The following NLRP2B variants were observed in gnomAD, a reference collection of about 807,000 sequenced individuals.
NLRP2B encodes the protein NLR family pyrin domain containing 2B.
For synonymous variants in NLRP2B, 16 were observed against 3.5 expected (o/e 4.63, Z -4.03); for missense variants, 25 against 6.8 (o/e 3.70, Z -3.00).
In NLRP2B at chrX:57,678,128, C is replaced by T. The variant is rs5960295; in HGVS notation, c.*1995G>A. On this transcript the variant is annotated 3_prime_UTR_variant, in exon 1 of 1. Transcript: ENST00000434992. ...CACAGGATCCTTACTAATGTGGCAC[C>T]AAGAAAGCTATTATTGATTTCTAGA... is the stretch of plus-strand genomic sequence containing the variant. 14,716 of 472,510 alleles carry T rather than the reference C, an allele frequency of 0.031. 1,566 individuals carry two copies. The African/African-American group carries it at 0.32, about 10-fold the overall frequency. 38.9% of individuals were successfully genotyped at this position (472,510 alleles called of 1,213,427 possible).
At position 57,678,620 on chromosome X, in the gene NLRP2B, C is replaced by A. The variant is rs1429240701; in HGVS notation, c.*1503G>T. On this transcript the variant is annotated 3_prime_UTR_variant, in exon 1 of 1. Transcript: ENST00000434992. ...AAGAAGTGTCTTGCTTGGATCAGGT[C>A]GGGGTTCTTGAGTCTTTCTTCTCTA... 2 of 454,437 alleles carry A rather than the reference C, an allele frequency of 4.4e-6. No homozygotes were observed. Among genetic ancestry groups the A allele is most frequent in the East Asian group, 4.0e-5 (1 of 25,087 alleles). The allele number at this position is 454,437 out of a possible 1,213,427, so 37.5% of individuals were successfully genotyped here. A position where few individuals can be genotyped will look rare whatever the true frequency, so the allele number is the denominator to read the frequency against.
In NLRP2B at chrX:57,679,534, T is replaced by C. The variant is rs1369697270; in HGVS notation, c.*589A>G. The C allele has an allele frequency of 1.4e-5, 9 of 625,004 alleles. No individual in the cohort carries two copies. The Admixed American group carries it at 2.2e-4, about 15-fold the overall frequency. The allele number at this position is 625,004 out of a possible 1,213,427, so 51.5% of individuals were successfully genotyped here. A position where few individuals can be genotyped will look rare whatever the true frequency, so the allele number is the denominator to read the frequency against. ...GCAGATGAGCTCCTTGCAGGTGAGGTAGAAAGCCTATCTAAATTTCTGGCT... is the reference window on the plus strand; with the variant it reads ...GCAGATGAGCTCCTTGCAGGTGAGGCAGAAAGCCTATCTAAATTTCTGGCT... On this transcript the variant is annotated 3_prime_UTR_variant, in exon 1 of 1. Transcript: ENST00000434992.
In NLRP2B at chrX:57,677,462, C is replaced by A. The variant is rs888858454; in HGVS notation, c.*2661G>T. The A allele has an allele frequency of 2.9e-6, 1 of 344,087 alleles. No homozygotes were observed. 28.4% of individuals were successfully genotyped at this position (344,087 alleles called of 1,213,427 possible). On this transcript the variant is annotated 3_prime_UTR_variant, in exon 1 of 1. Coordinates refer to ENST00000434992, the MANE Select transcript of NLRP2B (RefSeq NM_001319967.1). ...CCAGTAACTCCTATGTGATTCAGTCCCAGATCCAAGCACATTAGGCTTGAT... is the reference window on the plus strand; with the variant it reads ...CCAGTAACTCCTATGTGATTCAGTCACAGATCCAAGCACATTAGGCTTGAT...
In NLRP2B at chrX:57,677,528, T is replaced by C; in HGVS notation, c.*2595A>G. 1 of 323,996 alleles carries C rather than the reference T, an allele frequency of 3.1e-6. No individual in the cohort carries two copies. Among genetic ancestry groups the C allele is most frequent in the Non-Finnish European group, 5.9e-6 (1 of 170,189 alleles). 26.7% of individuals were successfully genotyped at this position (323,996 alleles called of 1,213,427 possible). A position where few individuals can be genotyped will look rare whatever the true frequency, so the allele number is the denominator to read the frequency against. On this transcript the variant is annotated 3_prime_UTR_variant, in exon 1 of 1. Coordinates refer to ENST00000434992, the MANE Select transcript of NLRP2B (RefSeq NM_001319967.1). ...TCTGCGAGATAACAGCAGCCATTGC[T>C]AGTTATGTCGCAGTCCCACAGCACC... is the stretch of plus-strand genomic sequence containing the variant.
At position 57,677,222 on chromosome X, in the gene NLRP2B, G is replaced by A. The variant is rs1049948353; in HGVS notation, c.*2901C>T. 1 of 381,629 alleles carries A rather than the reference G, an allele frequency of 2.6e-6. No homozygotes were observed. Among genetic ancestry groups the A allele is most frequent in the African/African-American group, 2.6e-5 (1 of 38,641 alleles). The allele number at this position is 381,629 out of a possible 1,213,427, so 31.5% of individuals were successfully genotyped here. ...TCTATTTTCAACCTGAGTGTCTGGA[G>A]GGTGCAATTTGGATGTGTCAAGGTT... On this transcript the variant is annotated 3_prime_UTR_variant, in exon 1 of 1. Transcript: ENST00000434992.
rs1001187470 is a variant in NLRP2B at position 57,679,300 on chromosome X, A to G, written c.*823T>C. On this transcript the variant is annotated 3_prime_UTR_variant, in exon 1 of 1. Transcript: ENST00000434992. ...GGCCCTGGGTAAAATCTTCCTCTTC[A>G]GTAACCTCCCCAAGAAGACCGGCAC... The G allele has an allele frequency of 4.7e-5, 24 of 507,313 alleles. No homozygotes were observed. In the African/African-American group the frequency reaches 5.1e-4, roughly 11 times the overall value. The allele number at this position is 507,313 out of a possible 1,213,427, so 41.8% of individuals were successfully genotyped here.
In NLRP2B at chrX:57,678,594, TAAG is replaced by T. The variant is rs1204299422; in HGVS notation, c.*1526_*1528del. 2.3e-5 allele frequency: 11 copies of T among 480,874 alleles called. No homozygotes were observed. Among genetic ancestry groups the T allele is most frequent in the East Asian group, 2.2e-4 (6 of 26,827 alleles). The allele number at this position is 480,874 out of a possible 1,213,427, so 39.6% of individuals were successfully genotyped here. A position where few individuals can be genotyped will look rare whatever the true frequency, so the allele number is the denominator to read the frequency against. ...CTTTCTTCTCGTTGGCGAAGCCGAATAAGAAGTGTCTTGCTTGGATCAGGTCGG... is the reference window on the plus strand; with the variant it reads ...CTTTCTTCTCGTTGGCGAAGCCGAATAAGTGTCTTGCTTGGATCAGGTCGG... On this transcript the variant is annotated 3_prime_UTR_variant, in exon 1 of 1. Coordinates refer to ENST00000434992, the MANE Select transcript of NLRP2B (RefSeq NM_001319967.1).
At position 57,679,527 on chromosome X, in the gene NLRP2B, G is replaced by T; in HGVS notation, c.*596C>A. The T allele has an allele frequency of 1.5e-6, 1 of 661,940 alleles. No homozygotes were observed. Among genetic ancestry groups the T allele is most frequent in the Non-Finnish European group, 2.5e-6 (1 of 406,478 alleles). 54.6% of individuals were successfully genotyped at this position (661,940 alleles called of 1,213,427 possible). A position where few individuals can be genotyped will look rare whatever the true frequency, so the allele number is the denominator to read the frequency against. Reference sequence around the variant, plus strand: ...GGCCCAGGCAGATGAGCTCCTTGCAGGTGAGGTAGAAAGCCTATCTAAATT... The same window carrying T: ...GGCCCAGGCAGATGAGCTCCTTGCATGTGAGGTAGAAAGCCTATCTAAATT... On this transcript the variant is annotated 3_prime_UTR_variant, in exon 1 of 1. Coordinates refer to ENST00000434992, the MANE Select transcript of NLRP2B (RefSeq NM_001319967.1).
rs922171023 is a variant in NLRP2B at position 57,677,480 on chromosome X, G to A, written c.*2643C>T. The A allele has an allele frequency of 1.5e-5, 5 of 338,643 alleles. No homozygotes were observed. Among genetic ancestry groups the A allele is most frequent in the Non-Finnish European group, 2.8e-5 (5 of 177,751 alleles). The allele number at this position is 338,643 out of a possible 1,213,427, so 27.9% of individuals were successfully genotyped here. ...TTCAGTCCCAGATCCAAGCACATTAGGCTTGATTTTTCTTGGAGAAGCTCT... is the reference window on the plus strand; with the variant it reads ...TTCAGTCCCAGATCCAAGCACATTAAGCTTGATTTTTCTTGGAGAAGCTCT... On this transcript the variant is annotated 3_prime_UTR_variant, in exon 1 of 1. Coordinates refer to ENST00000434992, the MANE Select transcript of NLRP2B (RefSeq NM_001319967.1).
chrX:57,679,449 G>C lies in NLRP2B; in HGVS notation c.*674C>G. The C allele has an allele frequency of 1.0e-6, 1 of 996,562 alleles. No individual in the cohort carries two copies. Among genetic ancestry groups the C allele is most frequent in the Non-Finnish European group, 1.4e-6 (1 of 702,251 alleles). The allele number at this position is 996,562 out of a possible 1,213,427, so 82.1% of individuals were successfully genotyped here. On this transcript the variant is annotated 3_prime_UTR_variant, in exon 1 of 1. Transcript: ENST00000434992. ...GTGCTTGGGCTAGGATGTTTGGAAT[G>C]TCATCCTGCAATTCAGGCCAGTTCC...
In NLRP2B at chrX:57,679,210, T is replaced by G; in HGVS notation, c.*913A>C. 2.2e-6 allele frequency: 1 copy of G among 450,586 alleles called. No individual in the cohort carries two copies. Among genetic ancestry groups the G allele is most frequent in the Admixed American group, 2.8e-5 (1 of 35,718 alleles). 37.1% of individuals were successfully genotyped at this position (450,586 alleles called of 1,213,427 possible). A position where few individuals can be genotyped will look rare whatever the true frequency, so the allele number is the denominator to read the frequency against. On this transcript the variant is annotated 3_prime_UTR_variant, in exon 1 of 1. Transcript: ENST00000434992. The stretch of plus-strand genomic sequence containing the variant: ...AGGAACTCCTCCACCCTTACATAGA[T>G]CGGCCGCTCCACCAACAGCCGGAGG...
In NLRP2B at chrX:57,679,269, C is replaced by A; in HGVS notation, c.*854G>T. The A allele has an allele frequency of 2.1e-6, 1 of 465,494 alleles. No homozygotes were observed. Among genetic ancestry groups the A allele is most frequent in the Non-Finnish European group, 3.9e-6 (1 of 256,922 alleles). 38.4% of individuals were successfully genotyped at this position (465,494 alleles called of 1,213,427 possible). Reference sequence around the variant, plus strand: ...GGCCCGCAGGCCACGTGGTGACCAGCACGGCGGCCCTGGGTAAAATCTTCC... The same window carrying A: ...GGCCCGCAGGCCACGTGGTGACCAGAACGGCGGCCCTGGGTAAAATCTTCC... On this transcript the variant is annotated 3_prime_UTR_variant, in exon 1 of 1. Coordinates refer to ENST00000434992, the MANE Select transcript of NLRP2B (RefSeq NM_001319967.1).
rs1359775686 is a variant in NLRP2B, at chrX:57,680,122, C to T, written c.*1G>A. 1.1e-5 allele frequency: 5 copies of T among 448,902 alleles called. No homozygotes were observed. The East Asian group carries it at 1.1e-4, about 10-fold the overall frequency. The allele number at this position is 448,902 out of a possible 1,213,427, so 37.0% of individuals were successfully genotyped here. A position where few individuals can be genotyped will look rare whatever the true frequency, so the allele number is the denominator to read the frequency against. On this transcript the variant is annotated 3_prime_UTR_variant, in exon 1 of 1. Transcript: ENST00000434992. The stretch of plus-strand genomic sequence containing the variant: ...AGTTGCTTCCCATCAGCCTTGTCTA[C>T]CTATGTCTGGGGGATCTTTTGCAGC...
At position 57,679,978 on chromosome X, in the gene NLRP2B, C is replaced by G; in HGVS notation, c.*145G>C. The G allele has an allele frequency of 3.2e-6, 1 of 313,015 alleles. No homozygotes were observed. Among genetic ancestry groups the G allele is most frequent in the Non-Finnish European group, 5.6e-6 (1 of 179,118 alleles). The allele number at this position is 313,015 out of a possible 1,213,427, so 25.8% of individuals were successfully genotyped here. On this transcript the variant is annotated 3_prime_UTR_variant, in exon 1 of 1. Coordinates refer to ENST00000434992, the MANE Select transcript of NLRP2B (RefSeq NM_001319967.1). ...TGATACAGGCTTGATTTCAAAGTGT[C>G]TTCTCTGAGTTCATCCTTTACTTTC...
In NLRP2B at chrX:57,677,622, T is replaced by TGG. The variant is rs370212038; in HGVS notation, c.*2499_*2500dup. ...GAAACATCACCCATGTATCCCCGAG[T>TGG]GGGGGGTTCTTGGCCAAGCACAGGT... On this transcript the variant is annotated 3_prime_UTR_variant, in exon 1 of 1. Transcript: ENST00000434992. The TGG allele has an allele frequency of 2.8e-4, 87 of 306,713 alleles. No homozygotes were observed. The highest frequency in any genetic ancestry group is 1.7e-3 in the African/African-American group (62 of 36,454). 25.3% of individuals were successfully genotyped at this position (306,713 alleles called of 1,213,427 possible). A position where few individuals can be genotyped will look rare whatever the true frequency, so the allele number is the denominator to read the frequency against.
At position 57,679,006 on chromosome X, in the gene NLRP2B, G is replaced by A; in HGVS notation, c.*1117C>T. The A allele has an allele frequency of 2.3e-6, 1 of 439,943 alleles. No individual in the cohort carries two copies. The highest frequency in any genetic ancestry group is 2.9e-5 in the South Asian group (1 of 34,213). The allele number at this position is 439,943 out of a possible 1,213,427, so 36.3% of individuals were successfully genotyped here. On this transcript the variant is annotated 3_prime_UTR_variant, in exon 1 of 1. Coordinates refer to ENST00000434992, the MANE Select transcript of NLRP2B (RefSeq NM_001319967.1). ...GCGCAGGAACAGCCCCGTGCGGGTG[G>A]GGCGGGTCCTTCCCCTTCTAACCTC...
Position 57,677,474 on chromosome X carries a change from A to T in NLRP2B, c.*2649T>A, listed in dbSNP as rs2011715763. ...ATGTGATTCAGTCCCAGATCCAAGC[A>T]CATTAGGCTTGATTTTTCTTGGAGA... is the stretch of plus-strand genomic sequence containing the variant. On this transcript the variant is annotated 3_prime_UTR_variant, in exon 1 of 1. Transcript: ENST00000434992. The T allele has an allele frequency of 2.9e-6, 1 of 339,388 alleles. No individual in the cohort carries two copies. Among genetic ancestry groups the T allele is most frequent in the South Asian group, 3.0e-5 (1 of 33,768 alleles). 28.0% of individuals were successfully genotyped at this position (339,388 alleles called of 1,213,427 possible).
Position 57,679,513 on chromosome X carries a change from A to AT in NLRP2B, c.*609dup. The AT allele has an allele frequency of 1.4e-6, 1 of 736,615 alleles. No homozygotes were observed. Among genetic ancestry groups the AT allele is most frequent in the South Asian group, 2.2e-5 (1 of 44,709 alleles). The allele number at this position is 736,615 out of a possible 1,213,427, so 60.7% of individuals were successfully genotyped here. Reference sequence around the variant, plus strand: ...TGCAAAACTGCACGGGCCCAGGCAGATGAGCTCCTTGCAGGTGAGGTAGAA... The same window carrying AT: ...TGCAAAACTGCACGGGCCCAGGCAGATTGAGCTCCTTGCAGGTGAGGTAGAA... On this transcript the variant is annotated 3_prime_UTR_variant, in exon 1 of 1. Transcript: ENST00000434992.
In NLRP2B at chrX:57,677,473, C is replaced by A. The variant is rs767948635; in HGVS notation, c.*2650G>T. 5.9e-6 allele frequency: 2 copies of A among 340,585 alleles called. No homozygotes were observed. The highest frequency in any genetic ancestry group is 2.9e-5 in the South Asian group (1 of 34,037). The allele number at this position is 340,585 out of a possible 1,213,427, so 28.1% of individuals were successfully genotyped here. On this transcript the variant is annotated 3_prime_UTR_variant, in exon 1 of 1. Transcript: ENST00000434992. The stretch of plus-strand genomic sequence containing the variant: ...TATGTGATTCAGTCCCAGATCCAAG[C>A]ACATTAGGCTTGATTTTTCTTGGAG...
Sources: allele counts gnomAD v4.1 joint callset, GRCh38; gene constraint gnomAD v4.1.1; transcripts MANE v1.5; gene names NCBI Gene and HGNC (gene_info 2026-07-23, HGNC 2026-07-21).